Variants in MARCHF1 observed in about 807,000 individuals in gnomAD.
MARCHF1 encodes E3 ubiquitin-protein ligase MARCHF1.
MARCHF1 carries 40 observed loss-of-function variants against 54.2 expected under a neutral mutation model. The observed-to-expected ratio is 0.74, with a 90% CI of 0.57 to 0.96. The LOEUF is 0.96. MARCHF1 is among the 40% of genes least tolerant of loss of function. The pLI, the probability that MARCHF1 is intolerant of heterozygous loss-of-function variation, is 0.00. For synonymous variants in MARCHF1, 236 were observed against 236.3 expected, an observed-to-expected ratio of 1.00 and a Z score of 0.01; for missense variants, 586 against 656.5, an observed-to-expected ratio of 0.89 and a Z score of 1.17.
intron 3 of MARCHF1, among the ~76,000 whole-genome samples, chr4:163,987,154 G>A (rs973039948): frequency 2.6e-5 from 4 of 152,110 alleles, no homozygotes; most frequent in East Asian, 1.9e-4. Flanking sequence ...TCTAATAATC[G>A]CATTTCCAAG....
chr4:164,248,493 T>C (rs78890892), intron 1 of MARCHF1, among the ~76,000 whole-genome samples: 100 of 152,142 alleles, frequency 6.6e-4, no homozygotes, highest in African/African-American at 2.2e-3. Context: ...CTTTTGTATC[T>C]CTCACAAAAC....
At chr4:163,755,665 T>C (rs897834265) in intron 4 of MARCHF1, among the ~76,000 whole-genome samples, 1 of 151,602 alleles carries the variant, frequency 6.6e-6, no homozygotes, top group Non-Finnish European at 1.5e-5. Flanking sequence ...AAGTTGAACC[T>C]TGAACTACTG....
intron 4 of MARCHF1, among the ~76,000 whole-genome samples, chr4:163,775,231 T>G (rs933481592): frequency 6.6e-6 from 1 of 152,216 alleles, no homozygotes; most frequent in Non-Finnish European, 1.5e-5. Context: ...GATATTAGCA[T>G]GCTTTGCTTG....
At chr4:163,714,065 T>C (rs980286458) in intron 4 of MARCHF1, among the ~76,000 whole-genome samples, 5 of 152,242 alleles carry the variant, frequency 3.3e-5, no homozygotes, top group Non-Finnish European at 5.9e-5. Context: ...CTTGAGCCAG[T>C]TGATTTACAT....
chr4:163,578,708 G>GCT (rs1319866806), intron 8 of MARCHF1, among the ~76,000 whole-genome samples: 1 of 152,090 alleles, frequency 6.6e-6, no homozygotes, highest in African/African-American at 2.4e-5. Flanking sequence ...ATGGTGTCCA[G>GCT]CTCTCTCTTT....
At chr4:164,190,275 T>G in intron 1 of MARCHF1, 11 of 910,246 alleles carry the variant, frequency 1.2e-5, no homozygotes, top group Non-Finnish European at 1.8e-5. Context: ...CAGCAAACTC[T>G]ATGGAAGTGC....
At chr4:164,229,186 C>A (rs1367636010) in intron 1 of MARCHF1, among the ~76,000 whole-genome samples, 1 of 152,162 alleles carries the variant, frequency 6.6e-6, no homozygotes, top group Non-Finnish European at 1.5e-5. Context: ...AGAAGCAAAG[C>A]CTGATTACCC....
chr4:164,076,136 TAACAACAAC>T (rs57287504), intron 2 of MARCHF1, among the ~76,000 whole-genome samples: 4,228 of 150,442 alleles, frequency 0.028, 102 homozygotes, highest in African/African-American at 0.065. Context: ...AATAATTTTC[TAACAACAAC>T]AACAACAACA....
intron 1 of MARCHF1, among the ~76,000 whole-genome samples, chr4:164,184,704 C>T (rs1730922323): frequency 6.6e-6 from 1 of 152,130 alleles, no homozygotes; most frequent in Admixed American, 6.5e-5. Flanking sequence ...TGATCAACTC[C>T]CAATGTTGAC....
At chr4:164,269,832 C>G (rs1342352841) in intron 1 of MARCHF1, among the ~76,000 whole-genome samples, 5 of 152,072 alleles carry the variant, frequency 3.3e-5, no homozygotes, top group Non-Finnish European at 5.9e-5. Flanking sequence ...TTTTGATTTT[C>G]TACATCTTCT....
intron 2 of MARCHF1, among the ~76,000 whole-genome samples, chr4:164,034,374 G>A (rs116005674): frequency 0.026 from 3,992 of 152,182 alleles, 77 homozygotes; most frequent in Non-Finnish European, 0.039. Context: ...CAGTTGGTGG[G>A]AATATATATT....
intron 1 of MARCHF1, among the ~76,000 whole-genome samples, chr4:164,157,206 C>A (rs1024011397): frequency 2.6e-5 from 4 of 151,336 alleles, no homozygotes; most frequent in African/African-American, 9.7e-5. Flanking sequence ...TTAACATGTT[C>A]TCTTATATTA....
chr4:164,243,671 TAAAG>T (rs370054433), intron 1 of MARCHF1, among the ~76,000 whole-genome samples: 33,634 of 151,620 alleles, frequency 0.22, 4,031 homozygotes, highest in Admixed American at 0.41. Flanking sequence ...GCAAATTGGA[TAAAG>T]AGTCAAGACC....
chr4:164,099,454 T>C (rs908478589), intron 2 of MARCHF1, among the ~76,000 whole-genome samples: 13 of 152,286 alleles, frequency 8.5e-5, no homozygotes, highest in South Asian at 2.1e-4. Context: ...AAAGACCTCA[T>C]TGAAATAAAA....
At chr4:163,559,963 T>G (rs866214061) in intron 8 of MARCHF1, among the ~76,000 whole-genome samples, 13 of 152,242 alleles carry the variant, frequency 8.5e-5, no homozygotes, top group African/African-American at 2.9e-4. Context: ...ATTTCTTTAT[T>G]TATGTGGAAT....
At chr4:163,541,342 T>C (rs1443743722) in intron 9 of MARCHF1, among the ~76,000 whole-genome samples, 1 of 152,234 alleles carries the variant, frequency 6.6e-6, no homozygotes. Context: ...TACAGTCTCT[T>C]TAATATTGTA....
intron 3 of MARCHF1, among the ~76,000 whole-genome samples, chr4:163,913,248 A>C (rs1389353103): frequency 6.6e-6 from 1 of 152,156 alleles, no homozygotes; most frequent in Non-Finnish European, 1.5e-5. Context: ...ATGTACTTGA[A>C]CACTGGTCTG....
intron 1 of MARCHF1, among the ~76,000 whole-genome samples, chr4:164,302,272 A>G (rs1192180633): frequency 6.6e-6 from 1 of 152,148 alleles, no homozygotes; most frequent in Non-Finnish European, 1.5e-5. Context: ...CTTATGGGCT[A>G]TTTTTTATAC....
intron 1 of MARCHF1, among the ~76,000 whole-genome samples, chr4:164,111,891 TAAGA>T (rs1755841167): frequency 6.6e-6 from 1 of 151,816 alleles, no homozygotes; most frequent in African/African-American, 2.4e-5. Context: ...TATTTCATAA[TAAGA>T]AATAAACTGA....
Sources: gnomAD v4.1 joint callset for allele counts (sites outside exome capture counted in the v4.1 genomes callset) on GRCh38, gnomAD v4.1.1 for gene constraint, MANE v1.5 for transcripts, NCBI Gene and HGNC (gene_info 2026-07-23, HGNC 2026-07-21) for gene names.